DMD: variants seen among roughly 807,000 people sequenced by gnomAD.
The protein encoded by DMD is mutant dystrophin.
Under a neutral mutation model 330.1 loss-of-function variants are expected in DMD, and 63 were observed. The ratio of observed to expected loss-of-function variants is 0.19; its 90% CI spans 0.16 to 0.24. The LOEUF (loss-of-function observed/expected upper bound fraction) is 0.24. Among genes scored for constraint, DMD ranks in the 10% least tolerant of loss-of-function variants. The pLI, the probability that DMD is intolerant of heterozygous loss-of-function variation, is 1.00. For missense variants in DMD, 3,344 were observed against 2,684.1 expected, an observed-to-expected ratio of 1.25 and a Z score of -5.43; for synonymous variants, 1,223 against 959.8, an observed-to-expected ratio of 1.27 and a Z score of -5.07.
At chrX:31,863,221 T>C (rs1323033759) in intron 48 of DMD, among the ~76,000 whole-genome samples, 1 of 112,211 alleles carries the variant, frequency 8.9e-6, no homozygotes, top group Non-Finnish European at 1.9e-5. Flanking sequence ...CGGGCGCCTG[T>C]AGTCCCAGCT....
At chrX:32,646,849 T>C (rs1276146162) in intron 9 of DMD, among the ~76,000 whole-genome samples, 2 of 111,627 alleles carry the variant, frequency 1.8e-5, no homozygotes, top group African/African-American at 6.5e-5. Context: ...AGAAAGGTCA[T>C]CCTGGTAAGT....
intron 2 of DMD, among the ~76,000 whole-genome samples, chrX:32,851,878 T>C (rs773402800): frequency 9.0e-6 from 1 of 111,723 alleles, no homozygotes; most frequent in South Asian, 3.8e-4. Context: ...TCCAGGGAGG[T>C]ATCACCCATC....
intron 34 of DMD, among the ~76,000 whole-genome samples, chrX:32,367,264 G>A (rs2097857713): frequency 9.0e-6 from 1 of 111,309 alleles, no homozygotes; most frequent in Admixed American, 9.6e-5. Context: ...TAGGCTCTGT[G>A]GGATAAAACG....
At chrX:32,186,667 T>C (rs2096949130) in intron 44 of DMD, among the ~76,000 whole-genome samples, 1 of 110,693 alleles carries the variant, frequency 9.0e-6, no homozygotes, top group African/African-American at 3.3e-5. Context: ...ATTGGGGAGG[T>C]TTTGTTGAAT....
chrX:32,588,648 C>CA (rs1307640075), intron 13 of DMD, among the ~76,000 whole-genome samples: 1 of 111,734 alleles, frequency 8.9e-6, no homozygotes, highest in Non-Finnish European at 1.9e-5. Context: ...ACACTGACTT[C>CA]AATGTGGAGA....
At chrX:33,199,730 G>T (rs138911604) in intron 1 of DMD, among the ~76,000 whole-genome samples, 245 of 111,408 alleles carry the variant, frequency 2.2e-3, no homozygotes, top group African/African-American at 7.5e-3. Flanking sequence ...ATTTTTAAAG[G>T]CTGAGAAGAG....
At chrX:32,636,236 G>C in intron 11 of DMD, among the ~76,000 whole-genome samples, 1 of 111,863 alleles carries the variant, frequency 8.9e-6, no homozygotes, top group Middle Eastern at 4.6e-3. Flanking sequence ...AAGCCAAGGA[G>C]AGCATGTCAT....
At chrX:33,333,511 CA>C (rs2054208822) in intron 1 of DMD, among the ~76,000 whole-genome samples, 1 of 110,743 alleles carries the variant, frequency 9.0e-6, no homozygotes. Flanking sequence ...GGAACATCCT[CA>C]TGGAAATACA....
At chrX:31,398,901 C>A (rs186810011) in intron 60 of DMD, among the ~76,000 whole-genome samples, 24 of 111,922 alleles carry the variant, frequency 2.1e-4, no homozygotes, top group African/African-American at 7.8e-4. Context: ...TGGTCCACCC[C>A]TCATGGAAGG....
intron 1 of DMD, among the ~76,000 whole-genome samples, chrX:33,303,890 C>G (rs905715045): frequency 9.0e-6 from 1 of 111,327 alleles, no homozygotes; most frequent in Admixed American, 9.6e-5. Context: ...AACTAATACA[C>G]TTAATTTTTT....
At chrX:32,308,080 TA>T (rs2097547297) in intron 42 of DMD, among the ~76,000 whole-genome samples, 1 of 110,140 alleles carries the variant, frequency 9.1e-6, no homozygotes, top group Admixed American at 9.8e-5. Flanking sequence ...CACATATGTA[TA>T]TATATATACG....
At chrX:31,964,340 A>G (rs112250133) in intron 45 of DMD, among the ~76,000 whole-genome samples, 10,703 of 111,227 alleles carry the variant, frequency 0.096, 835 homozygotes, top group African/African-American at 0.26. Flanking sequence ...AATAATAACC[A>G]AATGTAATGC....
chrX:31,889,643 TCTCTCACA>T (rs1319324629), intron 47 of DMD, among the ~76,000 whole-genome samples: 3 of 68,643 alleles, frequency 4.4e-5, no homozygotes, highest in Non-Finnish European at 5.3e-5. Context: ...TCTCTCTCTC[TCTCTCACA>T]CACACACACA....
chrX:32,857,207 T>G (rs2081648106), intron 2 of DMD, among the ~76,000 whole-genome samples: 1 of 112,514 alleles, frequency 8.9e-6, no homozygotes, highest in Non-Finnish European at 1.9e-5. Flanking sequence ...ATTTACCCCC[T>G]AAATATACTA....
intron 60 of DMD, among the ~76,000 whole-genome samples, chrX:31,387,940 A>G (rs1177257126): frequency 9.0e-6 from 1 of 110,632 alleles, no homozygotes; most frequent in East Asian, 2.8e-4. Flanking sequence ...ACATGCTGTC[A>G]CTATTTAAAA....
chrX:31,965,621 C>T (rs1044050110), intron 45 of DMD, among the ~76,000 whole-genome samples: 2 of 111,521 alleles, frequency 1.8e-5, no homozygotes, highest in African/African-American at 3.3e-5. Context: ...TATTCATGGA[C>T]GCTTGCTTAA....
chrX:31,360,550 AAG>A (rs1352792029), intron 60 of DMD, among the ~76,000 whole-genome samples: 1 of 112,568 alleles, frequency 8.9e-6, no homozygotes, highest in East Asian at 2.8e-4. Context: ...GGAGAAAGCG[AAG>A]AGAGGATAAG....
At chrX:31,525,774 T>G (rs1276517078) in intron 55 of DMD, among the ~76,000 whole-genome samples, 1 of 112,636 alleles carries the variant, frequency 8.9e-6, no homozygotes, top group African/African-American at 3.2e-5. Flanking sequence ...GACGGTGAAA[T>G]GCTACGTTCA....
At chrX:32,107,733 T>C (rs746672471) in intron 44 of DMD, among the ~76,000 whole-genome samples, 9 of 110,977 alleles carry the variant, frequency 8.1e-5, no homozygotes, top group African/African-American at 1.6e-4. Context: ...AATTTAAATG[T>C]TAATCTCATC....
Sources: gnomAD v4.1 joint callset for allele counts (sites outside exome capture counted in the v4.1 genomes callset) on GRCh38, gnomAD v4.1.1 for gene constraint, MANE v1.5 for transcripts, NCBI Gene and HGNC (gene_info 2026-07-23, HGNC 2026-07-21) for gene names.